The following NEDD4L variants were observed in gnomAD, a reference collection of about 807,000 sequenced individuals.
The protein encoded by NEDD4L is NEDD4 like E3 ubiquitin protein ligase.
A neutral mutation model predicts 148.9 loss-of-function variants in NEDD4L; 54 were observed. That is an observed-to-expected ratio of 0.36 (90% CI 0.29 to 0.45). The LOEUF is 0.45. Among genes scored for constraint, NEDD4L ranks in the 20% least tolerant of loss-of-function variants. NEDD4L has a pLI of 1.00. For synonymous variants in NEDD4L, 433 were observed against 440.7 expected (o/e 0.98, Z 0.22); for missense variants, 856 against 1,233.8 (o/e 0.69, Z 4.59).
At position 58,165,870 on chromosome 18, in the gene NEDD4L, G is replaced by T. The variant is rs115907798; in HGVS notation, c.122+9G>T. On this transcript the variant is annotated intron_variant, in intron 2 of 30. Transcript: ENST00000400345. Reference sequence around the variant, plus strand: ...GACATCTTTGGAGCCAGGTATGTTGGCTTTGTTTTTATTTCTGTGGACTTC... The same window carrying T: ...GACATCTTTGGAGCCAGGTATGTTGTCTTTGTTTTTATTTCTGTGGACTTC... 1 of 1,599,138 alleles carries T rather than the reference G, an allele frequency of 6.3e-7. No individual in the cohort carries two copies. The highest frequency in any genetic ancestry group is 1.1e-5 in the South Asian group (1 of 88,392).
intron 2 of NEDD4L, among the ~76,000 whole-genome samples, chr18:58,200,581 T>C (rs999736940): frequency 5.3e-5 from 8 of 152,244 alleles, no homozygotes; most frequent in Non-Finnish European, 1.2e-4. Context: ...GGATATGTTA[T>C]GGAACAAAGT....
rs1376837582 is a variant in NEDD4L at position 58,323,284 on chromosome 18, A to G, written c.463A>G (p.Lys155Glu). ...GCGATTGAAAATGGCCTATATGCCAAAAAATGGAGGTCAAGATGAAGAAAA... is the reference window on the plus strand; with the variant it reads ...GCGATTGAAAATGGCCTATATGCCAGAAAATGGAGGTCAAGATGAAGAAAA... ...FLRLKMAYMP[K>E]NGGQDEENSD... Residue 155 changes from lysine to glutamate, a missense_variant, in exon 8 of 31, where the codon AAA becomes GAA. Lys to Glu is a moderately conservative substitution (Grantham distance 56, BLOSUM62 1). Transcript: ENST00000400345. 1 of 1,604,540 alleles carries G rather than the reference A, an allele frequency of 6.2e-7. No individual in the cohort carries two copies. The highest frequency in any genetic ancestry group is 1.3e-5 in the African/African-American group (1 of 74,820).
intron 1 of NEDD4L, among the ~76,000 whole-genome samples, chr18:58,051,130 C>A (rs907563302): frequency 6.6e-6 from 1 of 152,152 alleles, no homozygotes; most frequent in African/African-American, 2.4e-5. Flanking sequence ...TTGTGGCACG[C>A]ACCTGTGGTC....
chr18:58,399,480 G>A lies in NEDD4L; in HGVS notation c.*3211G>A, dbSNP rs2050713571. 6.6e-6 allele frequency: 1 copy of A among 152,158 alleles called. No homozygotes were observed. The highest frequency in any genetic ancestry group is 2.1e-4 in the South Asian group (1 of 4,822). The allele number at this position is 152,158 out of a possible 1,614,324, so 9.4% of individuals were successfully genotyped here. ...ATTATTTCTCCCATGTAAGGACAAAGGGACAGATTATTATTGTTATTTCTG... is the reference window on the plus strand; with the variant it reads ...ATTATTTCTCCCATGTAAGGACAAAAGGACAGATTATTATTGTTATTTCTG... On this transcript the variant is annotated 3_prime_UTR_variant, in exon 31 of 31. Transcript: ENST00000400345.
chr18:58,146,849 G>A (rs531599618), intron 1 of NEDD4L, among the ~76,000 whole-genome samples: 1 of 152,230 alleles, frequency 6.6e-6, no homozygotes, highest in African/African-American at 2.4e-5. Context: ...ATTCTTGATA[G>A]TTTTTGAACA....
At chr18:58,265,033 G>C (rs2050018344) in intron 5 of NEDD4L, among the ~76,000 whole-genome samples, 1 of 151,996 alleles carries the variant, frequency 6.6e-6, no homozygotes, top group Non-Finnish European at 1.5e-5. Context: ...ACTCCTGATA[G>C]CAGGCACTAA....
At chr18:58,128,165 G>A (rs2031472655) in intron 1 of NEDD4L, among the ~76,000 whole-genome samples, 1 of 152,116 alleles carries the variant, frequency 6.6e-6, no homozygotes, top group Admixed American at 6.5e-5. Context: ...TCCTGCCTCA[G>A]CCTCCCAAGT....
At chr18:58,222,159 C>T (rs993481611) in intron 2 of NEDD4L, among the ~76,000 whole-genome samples, 2 of 152,130 alleles carry the variant, frequency 1.3e-5, no homozygotes, top group African/African-American at 4.8e-5. Flanking sequence ...TTTTAGAAAT[C>T]ACAGGTTGAG....
At chr18:58,189,703 G>A (rs185903861) in intron 2 of NEDD4L, 5 of 152,212 alleles carry the variant, frequency 3.3e-5, no homozygotes, top group African/African-American at 9.7e-5. Context: ...CTCGTCTGTT[G>A]TAACTAATGG....
At chr18:58,335,445 G>T (rs1044137305) in intron 12 of NEDD4L, 33 bp from the exon 13 acceptor site, 5 of 1,588,396 alleles carry the variant, frequency 3.1e-6, no homozygotes, top group Non-Finnish European at 4.3e-6. Flanking sequence ...CATCCCCTAA[G>T]TGCATTTCAC....
chr18:58,398,276 C>T lies in NEDD4L; in HGVS notation c.*2007C>T, dbSNP rs2050626177. On this transcript the variant is annotated 3_prime_UTR_variant, in exon 31 of 31. Coordinates refer to ENST00000400345, the MANE Select transcript of NEDD4L (RefSeq NM_001144967.3). ...CAAATGTCTCAGTGGCAAAAATCCC[C>T]TTTTTGTAAGCCCCCATAGTCTAGA... 6.9e-6 allele frequency: 1 copy of T among 145,930 alleles called. No homozygotes were observed. The highest frequency in any genetic ancestry group is 1.5e-5 in the Non-Finnish European group (1 of 67,566). 9.0% of individuals were successfully genotyped at this position (145,930 alleles called of 1,614,324 possible). A position where few individuals can be genotyped will look rare whatever the true frequency, so the allele number is the denominator to read the frequency against.
intron 25 of NEDD4L, among the ~76,000 whole-genome samples, chr18:58,383,554 A>G (rs554721916): frequency 3.9e-5 from 6 of 152,208 alleles, no homozygotes; most frequent in Non-Finnish European, 5.9e-5. Context: ...GGAGGGAGAA[A>G]AGGTCTATAT....
In NEDD4L at chr18:58,184,636, A is replaced by G. The variant is rs73450404; in HGVS notation, c.122+18775A>G. ...AAGTCTTGGTTTTTGGGTTTAAGAA[A>G]GTGTTCTCCTGTCTGGGCGTGGTGG... On this transcript the variant is annotated intron_variant, in intron 2 of 30. Coordinates refer to ENST00000400345, the MANE Select transcript of NEDD4L (RefSeq NM_001144967.3). 5.6e-3 allele frequency among the ~76,000 whole-genome samples: 845 copies of G among 152,190 alleles called. 9 individuals carry two copies. The highest frequency in any genetic ancestry group is 0.018 in the African/African-American group (745 of 41,520).
At chr18:58,340,959 C>G in intron 13 of NEDD4L, 79 bp from the exon 14 acceptor site, 4 of 1,382,592 alleles carry the variant, frequency 2.9e-6, no homozygotes, top group Non-Finnish European at 2.9e-6. Flanking sequence ...AAATAATTAT[C>G]TGGGTGTACC....
intron 16 of NEDD4L, among the ~76,000 whole-genome samples, chr18:58,347,912 A>G (rs2043301933): frequency 6.6e-6 from 1 of 152,182 alleles, no homozygotes; most frequent in African/African-American, 2.4e-5. Flanking sequence ...GCTGATATCA[A>G]ATGTCTTCAC....
chr18:58,363,376 G>A (rs2045732513), intron 19 of NEDD4L, among the ~76,000 whole-genome samples: 1 of 152,112 alleles, frequency 6.6e-6, no homozygotes, highest in African/African-American at 2.4e-5. Context: ...CATACTAGTG[G>A]CTAAAAAGCA....
At chr18:58,071,742 G>A (rs533783603) in intron 1 of NEDD4L, among the ~76,000 whole-genome samples, 25 of 152,346 alleles carry the variant, frequency 1.6e-4, no homozygotes, top group Non-Finnish European at 3.4e-4. Flanking sequence ...CATGGCTGGG[G>A]AGGCCTCACA....
intron 24 of NEDD4L, among the ~76,000 whole-genome samples, chr18:58,376,370 G>T (rs1014983385): frequency 2.0e-5 from 3 of 152,170 alleles, no homozygotes; most frequent in Admixed American, 6.5e-5. Flanking sequence ...CCCATGAGAT[G>T]AGTAAGATAA....
Position 58,142,223 on chromosome 18 carries a change from T to A in NEDD4L, c.49-23565T>A, listed in dbSNP as rs968198243. On this transcript the variant is annotated intron_variant, in intron 1 of 30. Coordinates refer to ENST00000400345, the MANE Select transcript of NEDD4L (RefSeq NM_001144967.3). ...CACCACGCCCGGCTAATTTTTTTTT[T>A]ATTTTTTGTAGAGACGGGATTTCAC... Among the ~76,000 whole-genome samples the A allele has an allele frequency of 4.9e-4, 59 of 120,752 alleles. 1 individual carries two copies. The East Asian group carries it at 9.5e-3, about 19-fold the overall frequency. 79.2% of individuals were successfully genotyped at this position (120,752 alleles called of 152,430 possible).
Sources: gnomAD v4.1 joint callset for allele counts (sites outside exome capture counted in the v4.1 genomes callset) on GRCh38, gnomAD v4.1.1 for gene constraint, MANE v1.5 for transcripts, NCBI Gene and HGNC (gene_info 2026-07-23, HGNC 2026-07-21) for gene names.